Variants in AHI1 observed in about 807,000 individuals in gnomAD.
AHI1 encodes the protein jouberin.
In AHI1, 123 loss-of-function variants were observed where a neutral mutation model predicts 149.3. The ratio of observed to expected loss-of-function variants is 0.82; its 90% confidence interval spans 0.71 to 0.96. AHI1 has a LOEUF of 0.96. AHI1 is among the 40% of genes least tolerant of loss of function. AHI1 has a pLI of 0.00. For synonymous variants in AHI1, 475 were observed against 459.8 expected, an observed-to-expected ratio of 1.03 and a Z score of -0.42; for missense variants, 1,439 against 1,422.7, an observed-to-expected ratio of 1.01 and a Z score of -0.18.
At chr6:135,396,415 G>A (rs1048394789) in intron 22 of AHI1, among the ~76,000 whole-genome samples, 9 of 151,542 alleles carry the variant, frequency 5.9e-5, no homozygotes, top group South Asian at 2.1e-4. Flanking sequence ...AATGATGAAC[G>A]GGTATCATAA....
Position 135,442,664 on chromosome 6 carries a change from T to A in AHI1, c.1830A>T (p.Arg610=). 2 of 1,611,476 alleles carry A rather than the reference T, an allele frequency of 1.2e-6. No individual in the cohort carries two copies. The highest frequency in any genetic ancestry group is 1.7e-6 in the Non-Finnish European group (2 of 1,178,670). ...GGGAGAAATCAAGACAAAAACATCC[T>A]CGTTCTCCTGCATTTAGTGAGAAGA... is the stretch of plus-strand genomic sequence containing the variant. ...KHLFSLNAGE[R]GCFCLDFSHN... is the part of the protein sequence containing the mutation. Residue 610 remains arginine, a synonymous_variant, in exon 14 of 29, where the codon CGA becomes CGT. Transcript: ENST00000265602.
intron 23 of AHI1, among the ~76,000 whole-genome samples, chr6:135,384,593 A>C (rs1777305544): frequency 6.6e-6 from 1 of 152,210 alleles, no homozygotes; most frequent in African/African-American, 2.4e-5. Flanking sequence ...TAACATCTTC[A>C]AAATCATGAT....
chr6:135,484,134 C>A (rs1033317115), intron 5 of AHI1, among the ~76,000 whole-genome samples: 1 of 152,152 alleles, frequency 6.6e-6, no homozygotes, highest in African/African-American at 2.4e-5. Flanking sequence ...ATTTTTAAAA[C>A]CATCAGATCT....
intron 23 of AHI1, among the ~76,000 whole-genome samples, chr6:135,390,669 C>A (rs1283103003): frequency 6.6e-6 from 1 of 152,048 alleles, no homozygotes; most frequent in African/African-American, 2.4e-5. Context: ...TATGTGAATT[C>A]TAACATGTCA....
At chr6:135,417,646 T>A (rs538610540) in intron 20 of AHI1, among the ~76,000 whole-genome samples, 1 of 152,134 alleles carries the variant, frequency 6.6e-6, no homozygotes, top group African/African-American at 2.4e-5. Flanking sequence ...CACTTGTTTT[T>A]TTCATCTAAA....
intron 6 of AHI1, among the ~76,000 whole-genome samples, chr6:135,466,961 A>G (rs950357155): frequency 1.8e-4 from 28 of 152,216 alleles, no homozygotes; most frequent in African/African-American, 6.3e-4. Flanking sequence ...AAAATGAGAT[A>G]TATTTTTAAT....
intron 5 of AHI1, among the ~76,000 whole-genome samples, chr6:135,470,744 A>G (rs1317126942): frequency 6.6e-6 from 1 of 152,136 alleles, no homozygotes; most frequent in African/African-American, 2.4e-5. Context: ...CACCGAGAAC[A>G]CATGGACACA....
intron 21 of AHI1, among the ~76,000 whole-genome samples, chr6:135,407,357 A>G (rs1339676497): frequency 6.6e-5 from 10 of 152,230 alleles, no homozygotes; most frequent in Non-Finnish European, 1.5e-5. Flanking sequence ...GTGGGAATTC[A>G]GTCAACCTAA....
intron 27 of AHI1, among the ~76,000 whole-genome samples, chr6:135,296,897 T>C (rs1017913252): frequency 6.6e-6 from 1 of 152,228 alleles, no homozygotes; most frequent in African/African-American, 2.4e-5. Flanking sequence ...GACTATTACG[T>C]GTCTGTCTTC....
intron 23 of AHI1, among the ~76,000 whole-genome samples, chr6:135,386,500 C>A (rs914516415): frequency 6.6e-6 from 1 of 152,018 alleles, no homozygotes; most frequent in East Asian, 1.9e-4. Flanking sequence ...TTAGTAGAGA[C>A]GGGGTTTCAC....
chr6:135,377,539 G>A (rs1007721023), intron 23 of AHI1, among the ~76,000 whole-genome samples: 7 of 151,812 alleles, frequency 4.6e-5, no homozygotes, highest in South Asian at 2.1e-4. Context: ...GGAGTGCAGC[G>A]GCATAATCAT....
At chr6:135,436,887 C>T (rs1785488738) in intron 15 of AHI1, among the ~76,000 whole-genome samples, 2 of 152,330 alleles carry the variant, frequency 1.3e-5, no homozygotes, top group Admixed American at 6.5e-5. Context: ...CAGGCATAAG[C>T]CACTGCGCCC....
chr6:135,423,743 G>C (rs981488881), intron 20 of AHI1, among the ~76,000 whole-genome samples: 3 of 152,048 alleles, frequency 2.0e-5, no homozygotes, highest in African/African-American at 4.8e-5. Context: ...AAGATACTAT[G>C]ACTATGTGTC....
At position 135,448,413 on chromosome 6, in the gene AHI1, TG is replaced by T; in HGVS notation, c.1502del (p.Pro501HisfsTer9). ...NSKLRLQLYYPPTKPRSPLSV... is the reference protein window; with the variant it reads ...NSKLRLQLYYXPTKPRSPLSV... ...TTAATGGGGATCGAGGCTTAGTAGGTGGGTAATATAGCTGCAAGCGAAGTTT... is the reference window on the plus strand; with the variant it reads ...TTAATGGGGATCGAGGCTTAGTAGGTGGTAATATAGCTGCAAGCGAAGTTT... On this transcript the variant is annotated frameshift_variant, in exon 12 of 29. Transcript: ENST00000265602. LOFTEE classifies it high-confidence loss of function. 1 of 1,594,116 alleles carries T rather than the reference TG, an allele frequency of 6.3e-7. No individual in the cohort carries two copies. The highest frequency in any genetic ancestry group is 8.6e-7 in the Non-Finnish European group (1 of 1,166,668).
chr6:135,479,216 G>C (rs1562269873), intron 5 of AHI1, among the ~76,000 whole-genome samples: 1 of 152,240 alleles, frequency 6.6e-6, no homozygotes, highest in East Asian at 1.9e-4. Flanking sequence ...TAGTAGATCT[G>C]TGAGAAGAGG....
intron 24 of AHI1, among the ~76,000 whole-genome samples, chr6:135,350,201 T>A (rs1791866737): frequency 6.6e-6 from 1 of 152,214 alleles, no homozygotes; most frequent in Non-Finnish European, 1.5e-5. Context: ...CCTCTTCAAT[T>A]GCTTCTGATT....
intron 21 of AHI1, among the ~76,000 whole-genome samples, chr6:135,406,126 CA>C (rs1780764212): frequency 6.6e-6 from 1 of 152,180 alleles, no homozygotes; most frequent in African/African-American, 2.4e-5. Flanking sequence ...GCTGCCACAG[CA>C]ATACCTAAAA....
intron 23 of AHI1, among the ~76,000 whole-genome samples, chr6:135,363,570 T>C (rs1407706229): frequency 5.8e-4 from 87 of 149,498 alleles, no homozygotes; most frequent in African/African-American, 2.0e-3. Flanking sequence ...TGGGTACACC[T>C]CCCAGACGGG....
chr6:135,457,778 A>G lies in AHI1; in HGVS notation c.932-65T>C. On this transcript the variant is annotated intron_variant, in intron 8 of 28. Coordinates refer to ENST00000265602, the MANE Select transcript of AHI1 (RefSeq NM_001134831.2). Reference sequence around the variant, plus strand: ...GTTCCCATAGTAGTATTTACATATAACCTAATCTTTAAGATCTGTGATGAT... The same window carrying G: ...GTTCCCATAGTAGTATTTACATATAGCCTAATCTTTAAGATCTGTGATGAT... 5 of 1,429,440 alleles carry G rather than the reference A, an allele frequency of 3.5e-6. No individual in the cohort carries two copies. In the South Asian group the frequency reaches 5.8e-5, roughly 17 times the overall value. The allele number at this position is 1,429,440 out of a possible 1,614,324, so 88.5% of individuals were successfully genotyped here. A position where few individuals can be genotyped will look rare whatever the true frequency, so the allele number is the denominator to read the frequency against.
Sources: allele counts gnomAD v4.1 joint callset (sites outside exome capture counted in the v4.1 genomes callset), GRCh38; gene constraint gnomAD v4.1.1; transcripts MANE v1.5; gene names NCBI Gene and HGNC (gene_info 2026-07-23, HGNC 2026-07-21).